SLC8A3: variants seen among roughly 807,000 people sequenced by gnomAD.
The protein encoded by SLC8A3 is solute carrier family 8 member A3.
Under a neutral mutation model 65.4 loss-of-function variants are expected in SLC8A3, and 37 were observed. That is an observed-to-expected ratio of 0.57 (90% CI 0.44 to 0.74). The LOEUF (loss-of-function observed/expected upper bound fraction) is 0.74. SLC8A3 is among the 30% of genes least tolerant of loss of function. The pLI, the probability that SLC8A3 is intolerant of heterozygous loss-of-function variation, is 0.00. For missense variants in SLC8A3, 1,112 were observed against 1,172.1 expected (o/e 0.95, Z 0.75); for synonymous variants, 461 against 444.5 (o/e 1.04, Z -0.47).
intron 1 of SLC8A3, among the ~76,000 whole-genome samples, chr14:70,172,066 T>A (rs1178565813): frequency 1.3e-5 from 2 of 152,116 alleles, no homozygotes; most frequent in East Asian, 3.9e-4. Flanking sequence ...GCTCAACCCC[T>A]TAGAGACCCA....
intron 3 of SLC8A3, 67 bp from the exon 4 acceptor site, chr14:70,052,181 G>T: frequency 6.6e-7 from 1 of 1,516,504 alleles, no homozygotes. Flanking sequence ...ACAGCTCAGA[G>T]TATTAGGCAT....
intron 2 of SLC8A3, among the ~76,000 whole-genome samples, chr14:70,159,824 T>C (rs1034714299): frequency 7.9e-5 from 12 of 152,280 alleles, no homozygotes; most frequent in East Asian, 1.9e-4. Flanking sequence ...ATGAGACCCA[T>C]TCATTTTTGA....
chr14:70,069,830 A>G (rs117353728), intron 2 of SLC8A3, among the ~76,000 whole-genome samples: 10 of 152,208 alleles, frequency 6.6e-5, no homozygotes, highest in Non-Finnish European at 1.0e-4. Flanking sequence ...CTCAAACTTT[A>G]ATGTGCACAT....
Position 70,167,455 on chromosome 14 carries a change from A to G in SLC8A3, c.968T>C (p.Leu323Pro). Residue 323 changes from leucine (L) to proline (P), a missense_variant, in exon 2 of 7, where the codon CTG becomes CCG. Coordinates refer to ENST00000356921, the MANE Select transcript of SLC8A3 (RefSeq NM_182932.3). ...RREMIRILKD[L>P]KQKHPEKDLD... is the part of the protein sequence containing the mutation. ...GTCCTTCTCTGGGTGTTTTTGCTTC[A>G]GATCCTTGAGAATCCGGATCATCTC... 2.5e-6 allele frequency: 4 copies of G among 1,614,134 alleles called. No individual in the cohort carries two copies. Among genetic ancestry groups the G allele is most frequent in the Non-Finnish European group, 3.4e-6 (4 of 1,180,022 alleles).
At chr14:70,083,293 C>T (rs1566767011) in intron 2 of SLC8A3, among the ~76,000 whole-genome samples, 1 of 152,168 alleles carries the variant, frequency 6.6e-6, no homozygotes, top group Non-Finnish European at 1.5e-5. Flanking sequence ...CCATGCATGA[C>T]CATTCAGAGT....
At chr14:70,131,329 G>T (rs1894817775) in intron 2 of SLC8A3, among the ~76,000 whole-genome samples, 1 of 152,192 alleles carries the variant, frequency 6.6e-6, no homozygotes, top group Non-Finnish European at 1.5e-5. Context: ...ATGTAGAAGA[G>T]GGAGGCAGAG....
Position 70,166,782 on chromosome 14 carries a change from A to G in SLC8A3, c.1641T>C (p.Val547=). The G allele has an allele frequency of 6.2e-7, 1 of 1,614,038 alleles. No homozygotes were observed. The highest frequency in any genetic ancestry group is 8.5e-7 in the Non-Finnish European group (1 of 1,179,908). The change falls in exon 2 of 7, where the codon GTT becomes GTC. Residue 547 remains valine, a synonymous_variant. Coordinates refer to ENST00000356921, the MANE Select transcript of SLC8A3 (RefSeq NM_182932.3). ...DTIHVSESIG[V]MEVKVLRTSG... ...ATGTCCGCAGAACCTTGACCTCCAT[A>G]ACACCAATACTCTCACTGACATGAA...
chr14:70,183,615 T>C (rs1882942236), intron 1 of SLC8A3, among the ~76,000 whole-genome samples: 1 of 152,250 alleles, frequency 6.6e-6, no homozygotes, highest in Non-Finnish European at 1.5e-5. Context: ...AAAACACAAA[T>C]GGACAACCAA....
chr14:70,099,902 G>A (rs1892451857), intron 2 of SLC8A3, among the ~76,000 whole-genome samples: 1 of 152,138 alleles, frequency 6.6e-6, no homozygotes, highest in African/African-American at 2.4e-5. Flanking sequence ...TTACAGCATT[G>A]TGCTCTAAGT....
chr14:70,114,276 C>T (rs1234958442), intron 2 of SLC8A3, among the ~76,000 whole-genome samples: 1 of 152,034 alleles, frequency 6.6e-6, no homozygotes, highest in East Asian at 1.9e-4. Flanking sequence ...TTGAAAGGGA[C>T]ATTAGGATAG....
intron 2 of SLC8A3, among the ~76,000 whole-genome samples, chr14:70,130,815 A>G (rs1894776895): frequency 6.6e-6 from 1 of 152,204 alleles, no homozygotes; most frequent in East Asian, 1.9e-4. Context: ...TAAAAAGAGC[A>G]TTGCTTTCTG....
At chr14:70,107,236 T>C (rs530156277) in intron 2 of SLC8A3, among the ~76,000 whole-genome samples, 2 of 152,022 alleles carry the variant, frequency 1.3e-5, no homozygotes, top group East Asian at 3.9e-4. Flanking sequence ...GAAATCTCTG[T>C]TTGCTCCACA....
At chr14:70,079,320 C>T (rs1890824346) in intron 2 of SLC8A3, among the ~76,000 whole-genome samples, 1 of 85,260 alleles carries the variant, frequency 1.2e-5, no homozygotes, top group Non-Finnish European at 2.2e-5. Flanking sequence ...CCTGTCTCTA[C>T]TAAAAAATAC....
chr14:70,096,575 A>G (rs1032401844), intron 2 of SLC8A3, among the ~76,000 whole-genome samples: 2 of 152,094 alleles, frequency 1.3e-5, no homozygotes, highest in Admixed American at 1.3e-4. Flanking sequence ...TCACAGCTCC[A>G]CCCACTTACT....
At chr14:70,094,359 C>T (rs992835665) in intron 2 of SLC8A3, among the ~76,000 whole-genome samples, 2 of 152,156 alleles carry the variant, frequency 1.3e-5, no homozygotes, top group Non-Finnish European at 2.9e-5. Context: ...TGGGTAGCTG[C>T]CTGGTATAGA....
intron 2 of SLC8A3, among the ~76,000 whole-genome samples, chr14:70,101,414 G>A (rs1437039828): frequency 6.6e-6 from 1 of 152,098 alleles, no homozygotes; most frequent in Non-Finnish European, 1.5e-5. Flanking sequence ...AAACCTGGTG[G>A]TAGAAGTTCA....
intron 3 of SLC8A3, among the ~76,000 whole-genome samples, chr14:70,057,443 T>A (rs1408473494): frequency 6.6e-6 from 1 of 152,074 alleles, no homozygotes; most frequent in African/African-American, 2.4e-5. Flanking sequence ...CACAGGTGGG[T>A]CAGACAAAGG....
intron 5 of SLC8A3, among the ~76,000 whole-genome samples, chr14:70,050,600 C>T (rs1887381914): frequency 1.3e-5 from 2 of 152,168 alleles, no homozygotes; most frequent in Admixed American, 1.3e-4. Context: ...CTAACTCCCA[C>T]ATCTCTAAAT....
intron 3 of SLC8A3, among the ~76,000 whole-genome samples, chr14:70,054,196 T>C (rs1481051420): frequency 6.6e-6 from 1 of 151,726 alleles, no homozygotes. Context: ...GAATAGGATG[T>C]TGTGAACACT....
Sources: gnomAD v4.1 joint callset for allele counts (sites outside exome capture counted in the v4.1 genomes callset) on GRCh38, gnomAD v4.1.1 for gene constraint, MANE v1.5 for transcripts, NCBI Gene and HGNC (gene_info 2026-07-23, HGNC 2026-07-21) for gene names.